The following FBN1 variants were observed in gnomAD, a reference collection of about 807,000 sequenced individuals.
FBN1 encodes the protein fibrillin 1.
Under a neutral mutation model 365.1 loss-of-function variants are expected in FBN1, and 29 were observed. The ratio of observed to expected loss-of-function variants is 0.08; its 90% CI spans 0.06 to 0.11. The LOEUF (loss-of-function observed/expected upper bound fraction) is 0.11, where lower values mean the gene tolerates loss of function less well. FBN1 is among the 10% of genes least tolerant of loss of function. The pLI is 1.00. For synonymous variants in FBN1, 1,210 were observed against 1,270.5 expected (o/e 0.95, Z 1.01); for missense variants, 2,476 against 3,703.2 (o/e 0.67, Z 8.60).
chr15:48,614,984 C>T (rs17462641), intron 2 of FBN1, among the ~76,000 whole-genome samples: 19,893 of 152,164 alleles, frequency 0.13, 1,365 homozygotes, highest in Non-Finnish European at 0.15. Context: ...CCTGAAACTT[C>T]AGAGTGTCCA....
At chr15:48,477,553 CATTA>C (rs1170742019) in intron 32 of FBN1, among the ~76,000 whole-genome samples, 2 of 152,212 alleles carry the variant, frequency 1.3e-5, no homozygotes, top group South Asian at 2.1e-4. Flanking sequence ...AACTATCATT[CATTA>C]ATTGTTTCTG....
At position 48,613,050 on chromosome 15, in the gene FBN1, A is replaced by G. The variant is rs771057822; in HGVS notation, c.207T>C (p.Pro69=). The stretch of plus-strand genomic sequence containing the variant: ...TTCCGCCAGGTAAGGTTTTCCATCC[A>G]GGGCAACAGTAAGCATTATAACGTG... ...CGSRYNAYCC[P]GWKTLPGGNQ... Residue 69 remains proline, a synonymous_variant, in exon 3 of 66, where the codon CCT becomes CCC. Transcript: ENST00000316623. 1.2e-6 allele frequency: 2 copies of G among 1,613,716 alleles called. No homozygotes were observed. Among genetic ancestry groups the G allele is most frequent in the South Asian group, 2.2e-5 (2 of 91,090 alleles).
intron 25 of FBN1, 130 bp downstream of exon 25, chr15:48,489,721 A>C: frequency 1.3e-6 from 1 of 780,142 alleles, no homozygotes; most frequent in Non-Finnish European, 2.2e-6. Context: ...TTTCTAAACA[A>C]AGATAATTAT....
At chr15:48,622,406 G>T (rs1889786502) in intron 2 of FBN1, among the ~76,000 whole-genome samples, 1 of 152,164 alleles carries the variant, frequency 6.6e-6, no homozygotes, top group African/African-American at 2.4e-5. Flanking sequence ...TCTGAGCTAT[G>T]ACTTGATGTT....
At chr15:48,637,092 CAACT>C (rs1393063354) in intron 2 of FBN1, among the ~76,000 whole-genome samples, 6 of 152,102 alleles carry the variant, frequency 3.9e-5, no homozygotes, top group African/African-American at 1.2e-4. Flanking sequence ...CTTTCACAAC[CAACT>C]AGTCAAGTAC....
intron 2 of FBN1, chr15:48,642,850 C>A (rs1890223380): frequency 1.3e-5 from 2 of 152,254 alleles, no homozygotes; most frequent in African/African-American, 4.8e-5. Context: ...CTGTGAGGAG[C>A]ACAGAGAGGT....
intron 6 of FBN1, among the ~76,000 whole-genome samples, chr15:48,573,395 A>G (rs1459366519): frequency 6.6e-6 from 1 of 152,214 alleles, no homozygotes. Flanking sequence ...CATCACTATG[A>G]TCTCATATCA....
intron 6 of FBN1, among the ~76,000 whole-genome samples, chr15:48,564,765 T>C (rs943656513): frequency 1.3e-5 from 2 of 152,180 alleles, no homozygotes; most frequent in Admixed American, 1.3e-4. Context: ...ACCAAACTTT[T>C]AGTGGTTGGT....
chr15:48,444,507 A>G, intron 49 of FBN1, 34 bp downstream of exon 49: 3 of 1,612,218 alleles, frequency 1.9e-6, no homozygotes, highest in Non-Finnish European at 2.5e-6. Context: ...GACACCCGAC[A>G]CTCCTCATTT....
At chr15:48,517,259 T>C (rs757349987) in intron 10 of FBN1, among the ~76,000 whole-genome samples, 1 of 152,064 alleles carries the variant, frequency 6.6e-6, no homozygotes, top group Non-Finnish European at 1.5e-5. Flanking sequence ...AGTTTCAGAG[T>C]CATCAGTACA....
intron 6 of FBN1, among the ~76,000 whole-genome samples, chr15:48,540,077 G>T (rs1275655241): frequency 6.6e-6 from 1 of 152,176 alleles, no homozygotes; most frequent in African/African-American, 2.4e-5. Flanking sequence ...CAGGAACTAT[G>T]TGGACAAAGT....
chr15:48,456,836 G>GTGCT (rs2043243026), intron 43 of FBN1, 74 bp from the exon 44 acceptor site: 2 of 1,368,706 alleles, frequency 1.5e-6, no homozygotes, highest in Non-Finnish European at 2.0e-6. Context: ...AAGATGGAAA[G>GTGCT]TGCGTGCGTG....
chr15:48,476,768 G>T (rs768094519), intron 32 of FBN1: 36 of 157,152 alleles, frequency 2.3e-4, no homozygotes, highest in Non-Finnish European at 3.6e-4. Flanking sequence ...CTGCCACCAC[G>T]CCTGGCTTTT....
At chr15:48,559,034 G>A (rs1407396771) in intron 6 of FBN1, among the ~76,000 whole-genome samples, 2 of 152,154 alleles carry the variant, frequency 1.3e-5, no homozygotes, top group Non-Finnish European at 2.9e-5. Flanking sequence ...TGAATAAAAA[G>A]GTATTCCCTC....
At chr15:48,506,980 A>G (rs959056052) in intron 15 of FBN1, among the ~76,000 whole-genome samples, 10 of 152,130 alleles carry the variant, frequency 6.6e-5, no homozygotes, top group Non-Finnish European at 8.8e-5. Flanking sequence ...CAAACCATCC[A>G]TATCATCAGC....
intron 11 of FBN1, 111 bp downstream of exon 11, chr15:48,516,072 A>T: frequency 1.8e-6 from 2 of 1,101,184 alleles, no homozygotes; most frequent in Non-Finnish European, 2.7e-6. Flanking sequence ...CCAAAAATTA[A>T]TATAACAATT....
rs770502681 is a variant in FBN1, at chr15:48,540,887, C to T, written c.539-3079G>A. ...TTAATTTATAATCCTCTCTTCAACA[C>T]TGTTGGGATTTGTTTTTCCACCTCC... is the stretch of plus-strand genomic sequence containing the variant. On this transcript the variant is annotated intron_variant, in intron 6 of 65. Coordinates refer to ENST00000316623, the MANE Select transcript of FBN1 (RefSeq NM_000138.5). 2.0e-5 allele frequency among the ~76,000 whole-genome samples: 3 copies of T among 152,228 alleles called. No homozygotes were observed. The East Asian group carries it at 5.8e-4, about 29-fold the overall frequency.
At chr15:48,446,605 T>C (rs1252325161) in intron 47 of FBN1, 101 bp downstream of exon 47, 8 of 793,364 alleles carry the variant, frequency 1.0e-5, no homozygotes, top group Admixed American at 1.7e-5. Context: ...TAAGATAGCA[T>C]ACATTTTTAA....
chr15:48,537,462 C>CT lies in FBN1; in HGVS notation c.736+148dup, dbSNP rs2044022169. The CT allele has an allele frequency of 2.2e-6, 2 of 907,752 alleles. 1 individual carries two copies. The highest frequency in any genetic ancestry group is 3.3e-5 in the African/African-American group (2 of 60,998). The allele number at this position is 907,752 out of a possible 1,614,324, so 56.2% of individuals were successfully genotyped here. A position where few individuals can be genotyped will look rare whatever the true frequency, so the allele number is the denominator to read the frequency against. On this transcript the variant is annotated intron_variant, in intron 7 of 65. Transcript: ENST00000316623. ...AGCTGCTCTCTCGAGAGCCACGTTC[C>CT]TAATGCCTTAGTTGGATATCATGCA...
Sources: gnomAD v4.1 joint callset for allele counts (sites outside exome capture counted in the v4.1 genomes callset) on GRCh38, gnomAD v4.1.1 for gene constraint, MANE v1.5 for transcripts, NCBI Gene and HGNC (gene_info 2026-07-23, HGNC 2026-07-21) for gene names.